The following MAP2K6 variants were observed in gnomAD, a reference collection of about 807,000 sequenced individuals.
The protein encoded by MAP2K6 is mitogen-activated protein kinase kinase 6.
Under a neutral mutation model 53.7 loss-of-function variants are expected in MAP2K6, and 16 were observed. That is an observed-to-expected ratio of 0.30 (90% CI 0.20 to 0.45). The LOEUF (loss-of-function observed/expected upper bound fraction) is 0.45. Among genes scored for constraint, MAP2K6 ranks in the 20% least tolerant of loss-of-function variants. The pLI, the probability that MAP2K6 is intolerant of heterozygous loss-of-function variation, is 1.00. For missense variants in MAP2K6, 204 were observed against 411.9 expected (o/e 0.50, Z 4.37); for synonymous variants, 132 against 143.1 (o/e 0.92, Z 0.55).
rs183055479 is a variant in MAP2K6 at position 69,487,272 on chromosome 17, G to A, written c.17-18508G>A. ...CTAAATACAATTATATGGGAAAGCC[G>A]ACTGCTTACATCTGTACAAGCTCTG... is the stretch of plus-strand genomic sequence containing the variant. On this transcript the variant is annotated intron_variant, in intron 1 of 11. Coordinates refer to ENST00000590474, the MANE Select transcript of MAP2K6 (RefSeq NM_002758.4). Among the ~76,000 whole-genome samples, 6 of 152,298 alleles carry A rather than the reference G, an allele frequency of 3.9e-5. No homozygotes were observed. The East Asian group carries it at 5.8e-4, about 15-fold the overall frequency.
chr17:69,541,771 C>A lies in MAP2K6; in HGVS notation c.*18C>A. On this transcript the variant is annotated 3_prime_UTR_variant, in exon 12 of 12. Coordinates refer to ENST00000590474, the MANE Select transcript of MAP2K6 (RefSeq NM_002758.4). ...GAGACTAAAAAGCAGTGGACTTAAT[C>A]GGTTGACCCTACTGTGGATTGGTGG... is the stretch of plus-strand genomic sequence containing the variant. 1 of 1,599,064 alleles carries A rather than the reference C, an allele frequency of 6.3e-7. No homozygotes were observed. Among genetic ancestry groups the A allele is most frequent in the Non-Finnish European group, 8.6e-7 (1 of 1,167,778 alleles).
At chr17:69,426,408 G>C (rs1025540710) in intron 1 of MAP2K6, among the ~76,000 whole-genome samples, 2 of 152,138 alleles carry the variant, frequency 1.3e-5, no homozygotes, top group African/African-American at 4.8e-5. Flanking sequence ...GCCAGTGCTT[G>C]GCATTCATTT....
At chr17:69,532,736 G>A (rs1306890506) in intron 10 of MAP2K6, among the ~76,000 whole-genome samples, 1 of 152,158 alleles carries the variant, frequency 6.6e-6, no homozygotes, top group Admixed American at 6.5e-5. Context: ...GCTTTGCGGT[G>A]TAAGTATTTT....
At chr17:69,472,496 T>A (rs1488824000) in intron 1 of MAP2K6, among the ~76,000 whole-genome samples, 1 of 152,056 alleles carries the variant, frequency 6.6e-6, no homozygotes, top group African/African-American at 2.4e-5. Flanking sequence ...CACTCAAATT[T>A]CCTCTTACAT....
chr17:69,509,899 A>T (rs1909727084), intron 2 of MAP2K6, among the ~76,000 whole-genome samples: 1 of 151,864 alleles, frequency 6.6e-6, no homozygotes, highest in South Asian at 2.1e-4. Flanking sequence ...TGGAGTGCAG[A>T]GGTGTGATCA....
intron 1 of MAP2K6, among the ~76,000 whole-genome samples, chr17:69,471,190 T>C (rs1182690636): frequency 6.6e-6 from 1 of 152,240 alleles, no homozygotes; most frequent in Non-Finnish European, 1.5e-5. Flanking sequence ...TATGATTTCA[T>C]TTTGCTCACT....
At chr17:69,502,014 A>G (rs1163752785) in intron 1 of MAP2K6, 2 of 307,550 alleles carry the variant, frequency 6.5e-6, no homozygotes, top group African/African-American at 4.6e-5. Context: ...ACACAGCTGG[A>G]AACTGACCAC....
rs1013053778 is a variant in MAP2K6, at chr17:69,421,291, C to T, written c.16+6291C>T. ...AATTATTTGGAAGTTGCAAGAACAG[C>T]ATGAAAAGCAACTTATAATGGCTGG... On this transcript the variant is annotated intron_variant, in intron 1 of 11. Transcript: ENST00000590474. Among the ~76,000 whole-genome samples the T allele has an allele frequency of 2.6e-5, 4 of 152,176 alleles. 1 individual carries two copies. The highest frequency in any genetic ancestry group is 9.7e-5 in the African/African-American group (4 of 41,450).
rs191097115 is a variant in MAP2K6, at chr17:69,438,873, C to T, written c.16+23873C>T. 4.6e-5 allele frequency among the ~76,000 whole-genome samples: 7 copies of T among 152,308 alleles called. No homozygotes were observed. In the East Asian group the frequency reaches 1.2e-3, roughly 25 times the overall value. On this transcript the variant is annotated intron_variant, in intron 1 of 11. Coordinates refer to ENST00000590474, the MANE Select transcript of MAP2K6 (RefSeq NM_002758.4). Reference sequence around the variant, plus strand: ...GTGCTGGGATTGCAGGCATGAGCCACCGCGCCCAGCTGGTACATTTTAAAA... The same window carrying T: ...GTGCTGGGATTGCAGGCATGAGCCATCGCGCCCAGCTGGTACATTTTAAAA...
chr17:69,441,288 G>C (rs553147671), intron 1 of MAP2K6, among the ~76,000 whole-genome samples: 1 of 152,096 alleles, frequency 6.6e-6, no homozygotes, highest in East Asian at 1.9e-4. Context: ...TGTTGTTATA[G>C]TTTCATATGT....
chr17:69,458,170 G>A (rs1449387858), intron 1 of MAP2K6, among the ~76,000 whole-genome samples: 6 of 152,028 alleles, frequency 3.9e-5, no homozygotes, highest in Non-Finnish European at 8.8e-5. Context: ...CCTCGTGCCT[G>A]AGCCTCCCAA....
intron 1 of MAP2K6, among the ~76,000 whole-genome samples, chr17:69,453,643 C>A (rs1167088660): frequency 6.6e-6 from 1 of 152,124 alleles, no homozygotes; most frequent in Non-Finnish European, 1.5e-5. Context: ...ATTTTCTATT[C>A]TTTTTTGGAA....
intron 1 of MAP2K6, among the ~76,000 whole-genome samples, chr17:69,444,704 A>G (rs1421269013): frequency 6.6e-6 from 1 of 152,180 alleles, no homozygotes; most frequent in Non-Finnish European, 1.5e-5. Flanking sequence ...TTTAGCTGCA[A>G]TGAATGCTGG....
intron 1 of MAP2K6, among the ~76,000 whole-genome samples, chr17:69,469,263 T>C (rs1327344948): frequency 2.0e-5 from 3 of 152,240 alleles, no homozygotes. Context: ...CCCCTCTACC[T>C]TCCTCTTCCA....
intron 1 of MAP2K6, among the ~76,000 whole-genome samples, chr17:69,436,052 T>C (rs1238894578): frequency 6.6e-6 from 1 of 151,954 alleles, no homozygotes; most frequent in Non-Finnish European, 1.5e-5. Context: ...CTGCCAGCAT[T>C]AGATTGTTAG....
At chr17:69,516,750 C>T in intron 2 of MAP2K6, 105 bp from the exon 3 acceptor site, 1 of 799,150 alleles carries the variant, frequency 1.3e-6, no homozygotes, top group Non-Finnish European at 2.1e-6. Flanking sequence ...TCATGAACTT[C>T]CACTTTCTTC....
At chr17:69,510,136 G>A (rs753815192) in intron 2 of MAP2K6, among the ~76,000 whole-genome samples, 2 of 152,102 alleles carry the variant, frequency 1.3e-5, no homozygotes, top group African/African-American at 2.4e-5. Context: ...GCGAGCCAAC[G>A]TGCCCTGCCT....
At chr17:69,512,447 C>T (rs1282833172) in intron 2 of MAP2K6, among the ~76,000 whole-genome samples, 2 of 145,794 alleles carry the variant, frequency 1.4e-5, no homozygotes, top group African/African-American at 5.1e-5. Context: ...CCAAGCGATT[C>T]TCCTGCCTCA....
intron 1 of MAP2K6, among the ~76,000 whole-genome samples, chr17:69,493,692 C>A (rs1402369227): frequency 6.6e-6 from 1 of 151,678 alleles, no homozygotes; most frequent in Admixed American, 6.6e-5. Flanking sequence ...ACCCGGGAGA[C>A]AGAGGTTGCA....
Sources: gnomAD v4.1 joint callset for allele counts (sites outside exome capture counted in the v4.1 genomes callset) on GRCh38, gnomAD v4.1.1 for gene constraint, MANE v1.5 for transcripts, NCBI Gene and HGNC (gene_info 2026-07-23, HGNC 2026-07-21) for gene names.